Variants in PDE10A observed in about 807,000 individuals in gnomAD.
The protein encoded by PDE10A is phosphodiesterase 10A.
A neutral mutation model predicts 97.7 loss-of-function variants in PDE10A; 39 were observed. That is an observed-to-expected ratio of 0.40 (90% CI 0.31 to 0.52). The LOEUF (loss-of-function observed/expected upper bound fraction) is 0.52, where lower values mean the gene tolerates loss of function less well. Among genes scored for constraint, PDE10A ranks in the 20% least tolerant of loss-of-function variants. PDE10A has a pLI of 0.56. For synonymous variants in PDE10A, 371 were observed against 376.8 expected (o/e 0.98, Z 0.18); for missense variants, 731 against 1,047.8 (o/e 0.70, Z 4.17).
chr6:165,794,294 C>T (rs1212792044), intron 1 of PDE10A, among the ~76,000 whole-genome samples: 1 of 150,404 alleles, frequency 6.6e-6, no homozygotes, highest in Non-Finnish European at 1.5e-5. Context: ...GCACTCCCTC[C>T]CACACTCACA....
chr6:165,416,079 A>G, intron 12 of PDE10A, 110 bp downstream of exon 12: 1 of 729,268 alleles, frequency 1.4e-6, no homozygotes, highest in Admixed American at 2.2e-5. Flanking sequence ...AAACTAAGGA[A>G]GAAAGAACTG....
At chr6:165,619,380 T>C (rs1194643031) in intron 1 of PDE10A, among the ~76,000 whole-genome samples, 19 of 129,716 alleles carry the variant, frequency 1.5e-4, no homozygotes, top group East Asian at 2.3e-4. Flanking sequence ...TGGTGTAGTG[T>C]AGTCTAGTAT....
intron 1 of PDE10A, among the ~76,000 whole-genome samples, chr6:165,691,111 C>CT (rs1442387822): frequency 9.3e-6 from 1 of 107,734 alleles, no homozygotes; most frequent in East Asian, 2.8e-4. Flanking sequence ...CTCTCTCCCC[C>CT]CCCCCATCAG....
rs187533820 is a variant in PDE10A, at chr6:165,532,615, A to G, written c.994+10825T>C. Among the ~76,000 whole-genome samples the G allele has an allele frequency of 9.9e-4, 150 of 152,036 alleles. 1 individual carries two copies. The highest frequency in any genetic ancestry group is 3.6e-3 in the African/African-American group (148 of 41,472). The stretch of plus-strand genomic sequence containing the variant: ...TAGCAAGCATCAGAATTACCTGGGG[A>G]GCTAGCCAAAACACAGACTTCCAGG... On this transcript the variant is annotated intron_variant, in intron 2 of 21. Transcript: ENST00000539869.
chr6:165,483,296 A>C (rs925399077), intron 2 of PDE10A, among the ~76,000 whole-genome samples: 1 of 152,248 alleles, frequency 6.6e-6, no homozygotes, highest in East Asian at 1.9e-4. Flanking sequence ...ATGTAGCTCA[A>C]TGCTATAGGA....
chr6:165,775,961 A>G (rs1338860731), intron 1 of PDE10A, among the ~76,000 whole-genome samples: 1 of 152,256 alleles, frequency 6.6e-6, no homozygotes, highest in Non-Finnish European at 1.5e-5. Context: ...TTCAACTTGA[A>G]TAATAAATTT....
In PDE10A at chr6:165,451,267, G is replaced by A. The variant is rs551543220; in HGVS notation, c.1024-905C>T. Reference sequence around the variant, plus strand: ...AGTGGAAACAGCAGGTGGACAGGGAGATGTCAACCCCCACCCTGCTCCAGT... The same window carrying A: ...AGTGGAAACAGCAGGTGGACAGGGAAATGTCAACCCCCACCCTGCTCCAGT... On this transcript the variant is annotated intron_variant, in intron 3 of 21. Transcript: ENST00000539869. 2.0e-5 allele frequency among the ~76,000 whole-genome samples: 3 copies of A among 152,282 alleles called. No homozygotes were observed. The East Asian group carries it at 5.8e-4, about 30-fold the overall frequency.
At chr6:165,919,298 T>C (rs1374693643) in intron 1 of PDE10A, among the ~76,000 whole-genome samples, 1 of 152,174 alleles carries the variant, frequency 6.6e-6, no homozygotes, top group Non-Finnish European at 1.5e-5. Flanking sequence ...GTGACCTCAC[T>C]GGGCCCACCA....
intron 1 of PDE10A, among the ~76,000 whole-genome samples, chr6:165,908,238 C>A (rs375071837): frequency 2.0e-5 from 3 of 152,164 alleles, no homozygotes; most frequent in African/African-American, 7.2e-5. Flanking sequence ...AGAGAGCCAG[C>A]GAGGGCTGCC....
chr6:165,790,754 T>A (rs947226990), intron 1 of PDE10A, among the ~76,000 whole-genome samples: 1 of 152,150 alleles, frequency 6.6e-6, no homozygotes. Flanking sequence ...CGTGGGGTCA[T>A]TCTTGGCTGG....
At position 165,426,808 on chromosome 6, in the gene PDE10A, C is replaced by A. The variant is rs1300990496; in HGVS notation, c.1653+1850G>T. Among the ~76,000 whole-genome samples, 9 of 152,186 alleles carry A rather than the reference C, an allele frequency of 5.9e-5. No individual in the cohort carries two copies. In the South Asian group the frequency reaches 1.2e-3, roughly 21 times the overall value. On this transcript the variant is annotated intron_variant, in intron 10 of 21. Coordinates refer to ENST00000539869, the MANE Select transcript of PDE10A (RefSeq NM_001385079.1). Reference sequence around the variant, plus strand: ...ACGAAGAATTCAATTAAAAAGTGGTCTATGGCTCTGAATAGACATCTCCCC... The same window carrying A: ...ACGAAGAATTCAATTAAAAAGTGGTATATGGCTCTGAATAGACATCTCCCC...
In PDE10A at chr6:165,611,932, G is replaced by A. The variant is rs200877220; in HGVS notation, c.865+50015C>T. On this transcript the variant is annotated intron_variant, in intron 1 of 21. Transcript: ENST00000539869. ...CCTCAAACAACTTCACTGGTTGCCA[G>A]TATTGGACACTACCTTTCCCTGCTT... 4.6e-5 allele frequency among the ~76,000 whole-genome samples: 7 copies of A among 152,298 alleles called. No individual in the cohort carries two copies. In the East Asian group the frequency reaches 1.4e-3, roughly 29 times the overall value.
At chr6:165,556,739 C>A (rs1784274423) in intron 1 of PDE10A, among the ~76,000 whole-genome samples, 1 of 152,118 alleles carries the variant, frequency 6.6e-6, no homozygotes. Context: ...GCAAGTACAG[C>A]CTTGCCTGGG....
At chr6:165,568,763 A>C (rs1372543043) in intron 1 of PDE10A, among the ~76,000 whole-genome samples, 1 of 152,218 alleles carries the variant, frequency 6.6e-6, no homozygotes, top group Non-Finnish European at 1.5e-5. Flanking sequence ...GAAAGAAAAA[A>C]CAAAGGTATG....
intron 1 of PDE10A, among the ~76,000 whole-genome samples, chr6:165,644,331 G>C (rs1156481318): frequency 6.6e-6 from 1 of 152,226 alleles, no homozygotes; most frequent in Non-Finnish European, 1.5e-5. Context: ...AAAGTGCTGG[G>C]ATTACAGGCA....
chr6:165,726,353 A>T (rs1238501736), intron 1 of PDE10A, among the ~76,000 whole-genome samples: 1 of 152,222 alleles, frequency 6.6e-6, no homozygotes, highest in East Asian at 1.9e-4. Context: ...AGGAAACATT[A>T]AAAAATATTT....
chr6:165,462,866 T>G (rs1262295259), intron 3 of PDE10A, among the ~76,000 whole-genome samples: 1 of 152,234 alleles, frequency 6.6e-6, no homozygotes, highest in African/African-American at 2.4e-5. Flanking sequence ...AATGCCTAGA[T>G]GCAATCACTC....
chr6:165,490,396 A>C (rs1193934610), intron 2 of PDE10A, among the ~76,000 whole-genome samples: 6 of 152,236 alleles, frequency 3.9e-5, no homozygotes, highest in Non-Finnish European at 5.9e-5. Flanking sequence ...AACAAATGCC[A>C]AGAGAATTCG....
At chr6:165,786,084 G>A (rs1311266448) in intron 1 of PDE10A, among the ~76,000 whole-genome samples, 1 of 152,312 alleles carries the variant, frequency 6.6e-6, no homozygotes, top group East Asian at 1.9e-4. Flanking sequence ...ATGTATTCCA[G>A]AATAACGTTT....
Sources: gnomAD v4.1 joint callset for allele counts (sites outside exome capture counted in the v4.1 genomes callset) on GRCh38, gnomAD v4.1.1 for gene constraint, MANE v1.5 for transcripts, NCBI Gene and HGNC (gene_info 2026-07-23, HGNC 2026-07-21) for gene names.